The following PTPRD variants were observed in gnomAD, a reference collection of about 807,000 sequenced individuals.
The protein encoded by PTPRD is protein tyrosine phosphatase receptor type D.
Under a neutral mutation model 214.5 loss-of-function variants are expected in PTPRD, and 34 were observed. That is an observed-to-expected ratio of 0.16 (90% CI 0.12 to 0.21). PTPRD has a LOEUF of 0.21. PTPRD is among the 10% of genes least tolerant of loss of function. PTPRD has a pLI of 1.00. For synonymous variants in PTPRD, 1,128 were observed against 845.7 expected (o/e 1.33, Z -5.79); for missense variants, 2,545 against 2,398.7 (o/e 1.06, Z -1.27).
chr9:9,807,494 T>A (rs192166646), intron 5 of PTPRD, among the ~76,000 whole-genome samples: 1 of 152,146 alleles, frequency 6.6e-6, no homozygotes, highest in Non-Finnish European at 1.5e-5. Flanking sequence ...TGTGAAGAGA[T>A]AGATTCCCTC....
rs553912512 is a variant in PTPRD at position 10,065,555 on chromosome 9, T to A, written c.-544-31765A>T. Among the ~76,000 whole-genome samples, 44 of 152,054 alleles carry A rather than the reference T, an allele frequency of 2.9e-4. 1 individual carries two copies. In the South Asian group the frequency reaches 9.1e-3, roughly 31 times the overall value. ...CATTTTCAGTACAAATAAAATCAAA[T>A]TTTTGGTCTGATACATTTGTGTTCC... On this transcript the variant is annotated intron_variant, in intron 3 of 45. Transcript: ENST00000381196.
At chr9:9,219,194 G>A (rs1401877456) in intron 9 of PTPRD, among the ~76,000 whole-genome samples, 1 of 152,074 alleles carries the variant, frequency 6.6e-6, no homozygotes, top group Non-Finnish European at 1.5e-5. Flanking sequence ...GGGCTGATAT[G>A]AGGCATTTAC....
At chr9:10,273,372 T>A (rs962161682) in intron 3 of PTPRD, among the ~76,000 whole-genome samples, 2 of 152,086 alleles carry the variant, frequency 1.3e-5, no homozygotes, top group Admixed American at 1.3e-4. Context: ...TTTCCAAGCC[T>A]ATAAGAAAAT....
At position 10,531,597 on chromosome 9, in the gene PTPRD, G is replaced by A. The variant is rs571323719; in HGVS notation, c.-600+80801C>T. 4.6e-5 allele frequency among the ~76,000 whole-genome samples: 7 copies of A among 152,262 alleles called. No individual in the cohort carries two copies. In the East Asian group the frequency reaches 1.4e-3, roughly 29 times the overall value. ...GAAGAATTGTAGCTTGTAAATCATT[G>A]TGAAGTGGTGAAAGGGAAGTTCTCT... On this transcript the variant is annotated intron_variant, in intron 2 of 45. Transcript: ENST00000381196.
intron 3 of PTPRD, among the ~76,000 whole-genome samples, chr9:10,133,673 CA>C (rs762809734): frequency 5.5e-4 from 83 of 151,982 alleles, no homozygotes; most frequent in African/African-American, 2.0e-3. Context: ...AGTAGAAAAA[CA>C]AGTAATATGT....
chr9:10,237,419 A>C (rs901476681), intron 3 of PTPRD, among the ~76,000 whole-genome samples: 1 of 151,880 alleles, frequency 6.6e-6, no homozygotes, highest in African/African-American at 2.4e-5. Flanking sequence ...AACCCTAGGG[A>C]AGTTCCTGAA....
chr9:9,479,919 C>G (rs1213864084), intron 8 of PTPRD, among the ~76,000 whole-genome samples: 1 of 152,070 alleles, frequency 6.6e-6, no homozygotes, highest in East Asian at 1.9e-4. Context: ...GGTATATAAA[C>G]TATATAATAA....
chr9:9,264,604 G>T lies in PTPRD; in HGVS notation c.-202-81241C>A, dbSNP rs181465929. Among the ~76,000 whole-genome samples, 23 of 151,598 alleles carry T rather than the reference G, an allele frequency of 1.5e-4. No individual in the cohort carries two copies. The South Asian group carries it at 2.3e-3, about 15-fold the overall frequency. On this transcript the variant is annotated intron_variant, in intron 9 of 45. Coordinates refer to ENST00000381196, the MANE Select transcript of PTPRD (RefSeq NM_002839.4). ...AAAGGAGAAGAGAGAGAGAAAAAAG[G>T]CAGAAAGCTTATTTAAAGAAACAAT...
At chr9:8,559,469 G>C (rs1053484976) in intron 14 of PTPRD, among the ~76,000 whole-genome samples, 3 of 152,054 alleles carry the variant, frequency 2.0e-5, no homozygotes, top group Non-Finnish European at 4.4e-5. Context: ...ACCTGCTCTT[G>C]GGCTAGGTTT....
chr9:9,232,345 C>G (rs1021220752), intron 9 of PTPRD, among the ~76,000 whole-genome samples: 1 of 152,160 alleles, frequency 6.6e-6, no homozygotes, highest in Non-Finnish European at 1.5e-5. Context: ...TACTAAAGAA[C>G]TATCAATCTG....
intron 5 of PTPRD, among the ~76,000 whole-genome samples, chr9:9,855,254 G>T (rs1371406023): frequency 1.3e-5 from 2 of 152,242 alleles, no homozygotes; most frequent in South Asian, 4.2e-4. Context: ...TTTAAAAAAG[G>T]AAAAGCCAAA....
chr9:10,232,193 G>T (rs2099613796), intron 3 of PTPRD, among the ~76,000 whole-genome samples: 1 of 151,742 alleles, frequency 6.6e-6, no homozygotes, highest in Non-Finnish European at 1.5e-5. Flanking sequence ...TTCCCAGCCT[G>T]CAGGACCTTG....
intron 7 of PTPRD, among the ~76,000 whole-genome samples, chr9:9,682,752 T>G (rs1051838996): frequency 1.3e-4 from 20 of 151,752 alleles, no homozygotes; most frequent in African/African-American, 4.8e-4. Context: ...CTCTCCAGCA[T>G]GCAAAATCCT....
At chr9:9,071,290 A>G (rs1569527429) in intron 10 of PTPRD, among the ~76,000 whole-genome samples, 1 of 152,182 alleles carries the variant, frequency 6.6e-6, no homozygotes, top group Non-Finnish European at 1.5e-5. Flanking sequence ...ACTTCTCATT[A>G]GTAAATATGG....
At chr9:9,669,400 A>G (rs1325147652) in intron 7 of PTPRD, among the ~76,000 whole-genome samples, 2 of 152,182 alleles carry the variant, frequency 1.3e-5, no homozygotes, top group Non-Finnish European at 2.9e-5. Flanking sequence ...TAGGAAATTG[A>G]TATTATTGAA....
Position 8,890,826 on chromosome 9 carries a change from T to A in PTPRD, c.-104+127871A>T, listed in dbSNP as rs369790096. ...GTGCTATTATAATTGCCTATTTTCA[T>A]TTGTTACTTCATCATGAAAGCAGGC... On this transcript the variant is annotated intron_variant, in intron 11 of 45. Transcript: ENST00000381196. Among the ~76,000 whole-genome samples, 18 of 152,240 alleles carry A rather than the reference T, an allele frequency of 1.2e-4. No individual in the cohort carries two copies. The East Asian group carries it at 3.1e-3, about 26-fold the overall frequency.
At chr9:8,786,409 T>G (rs1033462054) in intron 11 of PTPRD, among the ~76,000 whole-genome samples, 1 of 136,918 alleles carries the variant, frequency 7.3e-6, no homozygotes, top group African/African-American at 2.8e-5. Flanking sequence ...GTTCTTTTTT[T>G]TTTTTTTTTT....
chr9:9,102,700 A>G (rs751196178), intron 10 of PTPRD, among the ~76,000 whole-genome samples: 12 of 152,244 alleles, frequency 7.9e-5, no homozygotes, highest in Non-Finnish European at 1.0e-4. Flanking sequence ...TTGTTTTACG[A>G]TGTGATCATT....
At chr9:10,201,026 C>G (rs956249729) in intron 3 of PTPRD, among the ~76,000 whole-genome samples, 6 of 151,974 alleles carry the variant, frequency 3.9e-5, no homozygotes, top group African/African-American at 1.4e-4. Flanking sequence ...CACAATTATT[C>G]TAAAGCATAA....
Sources: allele counts gnomAD v4.1 joint callset (sites outside exome capture counted in the v4.1 genomes callset), GRCh38; gene constraint gnomAD v4.1.1; transcripts MANE v1.5; gene names NCBI Gene and HGNC (gene_info 2026-07-23, HGNC 2026-07-21).